The following SMARCA2 variants were observed in gnomAD, a reference collection of about 807,000 sequenced individuals.
SMARCA2 encodes SWI/SNF related BAF chromatin remodeling complex subunit ATPase 2.
In SMARCA2, 61 loss-of-function variants were observed where a neutral mutation model predicts 199.8. The observed-to-expected ratio is 0.31, with a 90% CI of 0.25 to 0.38. The LOEUF (loss-of-function observed/expected upper bound fraction) is 0.38. Ranked by LOEUF, SMARCA2 falls within the 10% of genes least tolerant of loss-of-function variation. SMARCA2 has a pLI of 1.00. For synonymous variants in SMARCA2, 935 were observed against 732.0 expected (o/e 1.28, Z -4.48); for missense variants, 1,344 against 2,012.2 (o/e 0.67, Z 6.35).
chr9:2,066,449 A>G (rs1364266907), intron 9 of SMARCA2, among the ~76,000 whole-genome samples: 4 of 152,342 alleles, frequency 2.6e-5, no homozygotes, highest in Admixed American at 2.0e-4. Context: ...TTGCTTGTGA[A>G]CATTGCTAAA....
At chr9:2,143,371 A>G (rs183636838) in intron 27 of SMARCA2, among the ~76,000 whole-genome samples, 5 of 152,336 alleles carry the variant, frequency 3.3e-5, no homozygotes, top group African/African-American at 1.2e-4. Flanking sequence ...GCTTTATTCT[A>G]TTTCACAGAA....
At chr9:2,184,962 T>G (rs988470673) in intron 31 of SMARCA2, among the ~76,000 whole-genome samples, 3 of 152,230 alleles carry the variant, frequency 2.0e-5, no homozygotes, top group East Asian at 1.9e-4. Flanking sequence ...CGAGTAGGTC[T>G]TCTTTACAAT....
At chr9:2,182,478 CTTTTTT>C (rs145095906) in intron 31 of SMARCA2, among the ~76,000 whole-genome samples, 8 of 96,728 alleles carry the variant, frequency 8.3e-5, no homozygotes, top group Non-Finnish European at 1.4e-4. Flanking sequence ...AGCTTATAGT[CTTTTTT>C]TTTTTTTTTT....
At chr9:2,139,682 G>A (rs574290785) in intron 27 of SMARCA2, among the ~76,000 whole-genome samples, 28 of 152,210 alleles carry the variant, frequency 1.8e-4, no homozygotes, top group African/African-American at 5.1e-4. Context: ...TCAGCTGGTC[G>A]TCAGAAATGC....
chr9:2,015,609 C>T (rs2130096631), intron 1 of SMARCA2, among the ~76,000 whole-genome samples: 1 of 152,322 alleles, frequency 6.6e-6, no homozygotes. Flanking sequence ...GCCTCCTCCC[C>T]GCGGGCCTCA....
rs372156275 is a variant in SMARCA2, at chr9:2,031,904, A to T, written c.226-1048A>T. On this transcript the variant is annotated intron_variant, in intron 2 of 33. Coordinates refer to ENST00000349721, the MANE Select transcript of SMARCA2 (RefSeq NM_003070.5). ...CTTTTTGCTTTTCAACATTACTGGA[A>T]ATAAATAAACAAGTGGCCTAAATAC... Among the ~76,000 whole-genome samples, 6 of 152,296 alleles carry T rather than the reference A, an allele frequency of 3.9e-5. No homozygotes were observed. The East Asian group carries it at 5.8e-4, about 15-fold the overall frequency.
intron 8 of SMARCA2, among the ~76,000 whole-genome samples, chr9:2,060,087 C>G (rs1820516371): frequency 1.6e-5 from 2 of 124,618 alleles, no homozygotes; most frequent in Admixed American, 2.2e-4. Context: ...CTCCAGTCAC[C>G]TGGGCCCATT....
intron 21 of SMARCA2, among the ~76,000 whole-genome samples, chr9:2,100,673 A>G (rs1367166931): frequency 1.3e-5 from 2 of 151,982 alleles, no homozygotes; most frequent in African/African-American, 4.8e-5. Flanking sequence ...ACTGCACTCC[A>G]GCCTGGGCAA....
chr9:2,028,423 A>G (rs1563715853), intron 1 of SMARCA2, among the ~76,000 whole-genome samples: 1 of 152,180 alleles, frequency 6.6e-6, no homozygotes, highest in East Asian at 1.9e-4. Context: ...GAGTATTTGA[A>G]CCCATATTTG....
Position 2,191,360 on chromosome 9 carries a change from C to G in SMARCA2, c.4689C>G (p.Ala1563=), listed in dbSNP as rs1827870284. ...KGKKRPNRGK[A]KPVVSDFDSD... ...AGAAAAGGCCAAATCGAGGAAAAGCCAAACCTGTAGTGAGCGATTTTGACA... is the reference window on the plus strand; with the variant it reads ...AGAAAAGGCCAAATCGAGGAAAAGCGAAACCTGTAGTGAGCGATTTTGACA... Residue 1563 remains alanine (A), a synonymous_variant, in exon 33 of 34, where the codon GCC becomes GCG. Transcript: ENST00000349721. 1 of 1,614,178 alleles carries G rather than the reference C, an allele frequency of 6.2e-7. No individual in the cohort carries two copies. Among genetic ancestry groups the G allele is most frequent in the South Asian group, 1.1e-5 (1 of 91,082 alleles).
At chr9:2,152,246 C>G (rs567352912) in intron 27 of SMARCA2, among the ~76,000 whole-genome samples, 3 of 152,182 alleles carry the variant, frequency 2.0e-5, no homozygotes, top group African/African-American at 7.2e-5. Flanking sequence ...GAAGACAACC[C>G]TATCAAGAAC....
chr9:2,119,415 C>T lies in SMARCA2; in HGVS notation c.3685-43C>T. The T allele has an allele frequency of 7.4e-7, 1 of 1,342,760 alleles. No individual in the cohort carries two copies. Among genetic ancestry groups the T allele is most frequent in the Non-Finnish European group, 1.1e-6 (1 of 932,632 alleles). 83.2% of individuals were successfully genotyped at this position (1,342,760 alleles called of 1,614,324 possible). On this transcript the variant is annotated intron_variant, in intron 25 of 33. Transcript: ENST00000349721. This position sits in a 1 kb window ranked among gnomAD's most constrained non-coding sequence, Gnocchi z 4.6. ...GATCACTTACTTGTTTGTACCTTGC[C>T]CCAGCTGTCCACTGGTTAAAATCAC... is the stretch of plus-strand genomic sequence containing the variant.
At chr9:2,189,567 T>C (rs997016249) in intron 32 of SMARCA2, among the ~76,000 whole-genome samples, 8 of 152,142 alleles carry the variant, frequency 5.3e-5, no homozygotes, top group African/African-American at 1.9e-4. Flanking sequence ...GCTTCTTTCA[T>C]CTATTTCTTT....
chr9:2,067,099 A>C lies in SMARCA2; in HGVS notation c.1693-3319A>C, dbSNP rs545002259. 2.6e-5 allele frequency among the ~76,000 whole-genome samples: 4 copies of C among 152,364 alleles called. No individual in the cohort carries two copies. In the East Asian group the frequency reaches 7.7e-4, roughly 29 times the overall value. ...GACTGCCACCTGGCCTCTATCTCTTAGAATAACATGGCAGAATTAGGTCCA... is the reference window on the plus strand; with the variant it reads ...GACTGCCACCTGGCCTCTATCTCTTCGAATAACATGGCAGAATTAGGTCCA... On this transcript the variant is annotated intron_variant, in intron 9 of 33. Transcript: ENST00000349721.
At chr9:2,042,961 G>A (rs893959977) in intron 4 of SMARCA2, 2 of 152,020 alleles carry the variant, frequency 1.3e-5, no homozygotes, top group African/African-American at 4.8e-5. Context: ...TTTCATTAGA[G>A]AAACAGATAA....
At chr9:2,047,156 GC>G (rs1391660445) in intron 4 of SMARCA2, 72 bp from the exon 5 acceptor site, 24 of 1,006,960 alleles carry the variant, frequency 2.4e-5, no homozygotes, top group Non-Finnish European at 2.7e-5. Flanking sequence ...GCCCCGGGGG[GC>G]GGCGGGCAGG....
At chr9:2,136,972 G>C (rs1358684595) in intron 27 of SMARCA2, among the ~76,000 whole-genome samples, 1 of 152,120 alleles carries the variant, frequency 6.6e-6, no homozygotes, top group Non-Finnish European at 1.5e-5. Context: ...CTGCCTCTTT[G>C]GCCAAGCAGT....
chr9:2,025,878 T>C (rs1563714013), intron 1 of SMARCA2, among the ~76,000 whole-genome samples: 1 of 152,170 alleles, frequency 6.6e-6, no homozygotes, highest in African/African-American at 2.4e-5. Context: ...TTGGGTTTAC[T>C]TGGGTGATGG....
intron 21 of SMARCA2, among the ~76,000 whole-genome samples, chr9:2,101,002 G>A (rs1483481523): frequency 1.3e-5 from 2 of 152,048 alleles, no homozygotes; most frequent in Non-Finnish European, 2.9e-5. Context: ...ACAAAGCCAC[G>A]AGATCTCGTG....
Sources: allele counts gnomAD v4.1 joint callset (sites outside exome capture counted in the v4.1 genomes callset), GRCh38; gene constraint gnomAD v4.1.1; non-coding constraint Gnocchi (gnomAD v3.1); transcripts MANE v1.5; gene names NCBI Gene and HGNC (gene_info 2026-07-23, HGNC 2026-07-21).